EPHA5: variants seen among roughly 807,000 people sequenced by gnomAD.
EPHA5 encodes the protein EPH receptor A5.
A neutral mutation model predicts 105.0 loss-of-function variants in EPHA5; 60 were observed. That is an observed-to-expected ratio of 0.57 (90% CI 0.46 to 0.71). EPHA5 has a LOEUF of 0.71. Ranked by LOEUF, EPHA5 falls within the 30% of genes least tolerant of loss-of-function variation. EPHA5 has a pLI of 0.00. For synonymous variants in EPHA5, 513 were observed against 449.1 expected (o/e 1.14, Z -1.80); for missense variants, 1,218 against 1,274.7 (o/e 0.96, Z 0.68).
chr4:65,520,280 G>T (rs533514427), intron 3 of EPHA5, among the ~76,000 whole-genome samples: 11 of 152,210 alleles, frequency 7.2e-5, no homozygotes, highest in Non-Finnish European at 1.3e-4. Context: ...AATGGGGAAA[G>T]GATTCCCTAT....
chr4:65,507,078 T>G (rs574401172), intron 3 of EPHA5, among the ~76,000 whole-genome samples: 5,818 of 152,280 alleles, frequency 0.038, 130 homozygotes, highest in Admixed American at 0.073. Flanking sequence ...TTCAGCTTTC[T>G]GCATATGGCT....
At chr4:65,357,231 C>T (rs1429239555) in intron 11 of EPHA5, among the ~76,000 whole-genome samples, 1 of 151,276 alleles carries the variant, frequency 6.6e-6, no homozygotes, top group African/African-American at 2.4e-5. Context: ...TAGACTTTTT[C>T]AGAGAAGGCA....
intron 5 of EPHA5, among the ~76,000 whole-genome samples, chr4:65,427,556 G>A (rs756098790): frequency 9.9e-5 from 15 of 152,124 alleles, no homozygotes; most frequent in Admixed American, 2.0e-4. Context: ...GACAAAGTAT[G>A]GTTTTAAATC....
chr4:65,537,704 T>C (rs1736423335), intron 3 of EPHA5, among the ~76,000 whole-genome samples: 1 of 151,718 alleles, frequency 6.6e-6, no homozygotes, highest in African/African-American at 2.4e-5. Context: ...AATTATATAG[T>C]GGGAGTTCAG....
intron 3 of EPHA5, among the ~76,000 whole-genome samples, chr4:65,518,928 C>G (rs1734386771): frequency 6.6e-6 from 1 of 152,052 alleles, no homozygotes; most frequent in Non-Finnish European, 1.5e-5. Context: ...CTATTCCAAC[C>G]AATAGAAAAA....
intron 5 of EPHA5, among the ~76,000 whole-genome samples, chr4:65,482,959 C>T (rs1189129589): frequency 6.6e-6 from 1 of 152,012 alleles, no homozygotes; most frequent in African/African-American, 2.4e-5. Context: ...GTGCTGCACC[C>T]ATTGACTCGT....
chr4:65,364,226 T>C (rs770535719), intron 11 of EPHA5, among the ~76,000 whole-genome samples: 1 of 151,674 alleles, frequency 6.6e-6, no homozygotes, highest in Non-Finnish European at 1.5e-5. Flanking sequence ...TATATCTCTT[T>C]AAGATATGGA....
intron 5 of EPHA5, among the ~76,000 whole-genome samples, chr4:65,482,846 T>G (rs950957645): frequency 1.1e-5 from 1 of 94,552 alleles, no homozygotes; most frequent in African/African-American, 3.9e-5. Flanking sequence ...TTTTCCTTTT[T>G]TTTTTTAGAG....
intron 2 of EPHA5, among the ~76,000 whole-genome samples, chr4:65,608,514 A>G (rs1173220838): frequency 6.6e-6 from 1 of 152,004 alleles, no homozygotes; most frequent in African/African-American, 2.4e-5. Context: ...AAAAAAAAAA[A>G]GAAAAAAAGA....
chr4:65,656,135 A>T (rs1418954794), intron 1 of EPHA5, among the ~76,000 whole-genome samples: 1 of 70,868 alleles, frequency 1.4e-5, no homozygotes, highest in East Asian at 9.7e-4. Flanking sequence ...GCTGCTTAAA[A>T]AAAAAAAAAA....
Position 65,365,990 on chromosome 4 carries a change from G to A in EPHA5, c.1929C>T (p.His643=), listed in dbSNP as rs770154636. 6.8e-6 allele frequency: 11 copies of A among 1,608,986 alleles called. No homozygotes were observed. The highest frequency in any genetic ancestry group is 2.2e-5 in the South Asian group (2 of 90,644). ...HTYEDPNQAV[H]EFAKEIEASC... ...ATGCTTCTATCTCCTTAGCAAATTC[G>A]TGGACAGCTTGATTGGGATCCTCAT... The change falls in exon 10 of 17, where the codon CAC becomes CAT. Residue 643 remains histidine, a synonymous_variant. Transcript: ENST00000613740.
chr4:65,498,442 G>A (rs912728449), intron 3 of EPHA5, among the ~76,000 whole-genome samples: 1 of 151,844 alleles, frequency 6.6e-6, no homozygotes, highest in Admixed American at 6.6e-5. Context: ...TAGTGTTTAT[G>A]AGATCATTAC....
At chr4:65,377,780 A>C (rs1399184258) in intron 8 of EPHA5, among the ~76,000 whole-genome samples, 1 of 152,016 alleles carries the variant, frequency 6.6e-6, no homozygotes, top group African/African-American at 2.4e-5. Flanking sequence ...AATACAAAGT[A>C]AACTATTTTA....
chr4:65,414,540 C>T, intron 6 of EPHA5, 97 bp from the exon 7 acceptor site: 1 of 1,292,778 alleles, frequency 7.7e-7, no homozygotes, highest in South Asian at 1.4e-5. Context: ...AATCAGAAAC[C>T]AAAGGACTCT....
At chr4:65,557,606 T>C (rs977659807) in intron 3 of EPHA5, among the ~76,000 whole-genome samples, 1 of 151,874 alleles carries the variant, frequency 6.6e-6, no homozygotes, top group East Asian at 1.9e-4. Context: ...GCAATGTGTA[T>C]GTGGATAGGG....
At chr4:65,378,226 A>G (rs1186089007) in intron 8 of EPHA5, among the ~76,000 whole-genome samples, 1 of 145,880 alleles carries the variant, frequency 6.9e-6, no homozygotes, top group Non-Finnish European at 1.5e-5. Flanking sequence ...CTGTCACTAA[A>G]ATGAAATTCT....
At chr4:65,656,956 T>TG (rs1393732867) in intron 1 of EPHA5, among the ~76,000 whole-genome samples, 5 of 151,424 alleles carry the variant, frequency 3.3e-5, no homozygotes, top group Non-Finnish European at 7.4e-5. Context: ...TGTGTGTGTT[T>TG]TTTTTTTTTC....
At chr4:65,602,599 A>G (rs1743847917) in intron 2 of EPHA5, among the ~76,000 whole-genome samples, 1 of 152,186 alleles carries the variant, frequency 6.6e-6, no homozygotes, top group African/African-American at 2.4e-5. Flanking sequence ...TGCATTTCAG[A>G]GTAAAAGTAA....
At chr4:65,639,633 C>A (rs376072893) in intron 2 of EPHA5, among the ~76,000 whole-genome samples, 360 of 152,254 alleles carry the variant, frequency 2.4e-3, no homozygotes, top group African/African-American at 8.3e-3. Context: ...GTTTCCTCAT[C>A]AAATTTGGGA....
Sources: gnomAD v4.1 joint callset for allele counts (sites outside exome capture counted in the v4.1 genomes callset) on GRCh38, gnomAD v4.1.1 for gene constraint, MANE v1.5 for transcripts, NCBI Gene and HGNC (gene_info 2026-07-23, HGNC 2026-07-21) for gene names.